MCRIP1: variants seen among roughly 807,000 people sequenced by gnomAD.
MCRIP1 encodes MAPK regulated corepressor interacting protein 1, also known as mapk-regulated corepressor-interacting protein 1.
In MCRIP1, 10 loss-of-function variants were observed where a neutral mutation model predicts 14.4. That is an observed-to-expected ratio of 0.70 (90% CI 0.43 to 1.18). The LOEUF (loss-of-function observed/expected upper bound fraction) is 1.18. Ranked by LOEUF, MCRIP1 falls within the 50% of genes most tolerant of loss-of-function variation. MCRIP1 has a pLI of 0.00. For synonymous variants in MCRIP1, 53 were observed against 55.7 expected, an observed-to-expected ratio of 0.95 and a Z score of 0.21; for missense variants, 119 against 135.4, an observed-to-expected ratio of 0.88 and a Z score of 0.60.
intron 1 of MCRIP1, among the ~76,000 whole-genome samples, chr17:81,830,497 C>G (rs1453159805): frequency 6.6e-6 from 1 of 151,426 alleles, no homozygotes; most frequent in Non-Finnish European, 1.5e-5. Flanking sequence ...AGTAGCCAGG[C>G]GTGGTGGCAG....
Position 81,825,462 on chromosome 17 carries a change from G to C in MCRIP1, c.-48-908C>G, listed in dbSNP as rs558491163. The C allele has an allele frequency of 1.4e-5, 17 of 1,196,498 alleles. No homozygotes were observed. The East Asian group carries it at 6.4e-4, about 45-fold the overall frequency. 74.1% of individuals were successfully genotyped at this position (1,196,498 alleles called of 1,614,324 possible). ...GAGGGGAGTCCCAGGATTCCCAGGAGGGGGCTTTGAGCACAAGCAACTCCC... is the reference window on the plus strand; with the variant it reads ...GAGGGGAGTCCCAGGATTCCCAGGACGGGGCTTTGAGCACAAGCAACTCCC... On this transcript the variant is annotated intron_variant, in intron 1 of 4. Transcript: ENST00000455127.
At chr17:81,826,089 A>T (rs1177469354) in intron 1 of MCRIP1, 4 of 1,475,758 alleles carry the variant, frequency 2.7e-6, no homozygotes, top group Non-Finnish European at 3.6e-6. Flanking sequence ...TCCAGTGGCC[A>T]CTTGGCCTTT....
Position 81,823,855 on chromosome 17 carries a change from C to T in MCRIP1, c.128-342G>A. ...CCTCATCCACGCACCTCCCCGGCCC[C>T]AGCACACGGCACACTCCCCTAATCC... On this transcript the variant is annotated intron_variant, in intron 3 of 4. Transcript: ENST00000455127. This position sits in a 1 kb window ranked among gnomAD's most constrained non-coding sequence, Gnocchi z 6.0. 5.5e-6 allele frequency: 3 copies of T among 549,108 alleles called. No individual in the cohort carries two copies. The highest frequency in any genetic ancestry group is 6.5e-6 in the Non-Finnish European group (2 of 308,942). The allele number at this position is 549,108 out of a possible 1,614,324, so 34.0% of individuals were successfully genotyped here. A position where few individuals can be genotyped will look rare whatever the true frequency, so the allele number is the denominator to read the frequency against.
At chr17:81,826,888 G>T (rs570948198) in intron 1 of MCRIP1, among the ~76,000 whole-genome samples, 77 of 150,906 alleles carry the variant, frequency 5.1e-4, no homozygotes, top group African/African-American at 1.8e-3. Flanking sequence ...GGGAGGCCGA[G>T]GCGGGTGGAT....
In MCRIP1 at chr17:81,823,484, C is replaced by T. The variant is rs753619353; in HGVS notation, c.157G>A (p.Gly53Ser). Residue 53 changes from glycine to serine, a missense_variant, in exon 4 of 5, where the codon GGC (glycine) becomes AGC (serine). Gly to Ser is a moderately conservative substitution (Grantham distance 56). Transcript: ENST00000455127. The surrounding 1 kb of genome is among the most constrained non-coding windows in gnomAD (Gnocchi z 6.0). ...CCCCGCTCGCCACCCGGCACCTGGC[C>T]TCGCAGGTCTCGCTCCACACCCTGC... The part of the protein sequence containing the change: ...AWQGVERDLR[G>S]QVPGGERGLV... 1.0e-4 allele frequency: 155 copies of T among 1,536,394 alleles called. No homozygotes were observed. The highest frequency in any genetic ancestry group is 1.0e-3 in the East Asian group (41 of 40,898).
In MCRIP1 at chr17:81,823,396, G is replaced by T; in HGVS notation, c.229+16C>A. On this transcript the variant is annotated intron_variant, in intron 4 of 4. Coordinates refer to ENST00000455127, the MANE Select transcript of MCRIP1 (RefSeq NM_207368.5). This position sits in a 1 kb window ranked among gnomAD's most constrained non-coding sequence, Gnocchi z 6.0. ...CCTGCCGGCCCAGCCCTGCCCCCAG[G>T]TCAGCCCCCACTCACTCTTCAGGCT... The T allele has an allele frequency of 6.5e-7, 1 of 1,536,314 alleles. No homozygotes were observed. The highest frequency in any genetic ancestry group is 1.2e-5 in the South Asian group (1 of 84,040).
At chr17:81,825,617 C>T (rs1173950689) in intron 1 of MCRIP1, 11 of 1,289,304 alleles carry the variant, frequency 8.5e-6, no homozygotes, top group Non-Finnish European at 9.1e-6. Context: ...GTCCAGCCCT[C>T]AAACACCACG....
chr17:81,824,166 G>A (rs2038333492), intron 3 of MCRIP1, 121 bp downstream of exon 3: 7 of 800,952 alleles, frequency 8.7e-6, no homozygotes, highest in South Asian at 1.5e-5. Context: ...GGGGCTATCT[G>A]TGCCCTGGAG....
At chr17:81,825,541 C>T in intron 1 of MCRIP1, 1 of 1,281,358 alleles carries the variant, frequency 7.8e-7, no homozygotes, top group Non-Finnish European at 1.0e-6. Context: ...CGGCTGCAGC[C>T]CTCACAGAGG....
chr17:81,826,857 C>T (rs866739728), intron 1 of MCRIP1, among the ~76,000 whole-genome samples: 7 of 145,572 alleles, frequency 4.8e-5, no homozygotes, highest in Admixed American at 1.4e-4. Flanking sequence ...TGGTGGCTCA[C>T]GCCTGTAATC....
chr17:81,829,317 G>A (rs1040290069), intron 1 of MCRIP1, among the ~76,000 whole-genome samples: 1 of 152,190 alleles, frequency 6.6e-6, no homozygotes, highest in East Asian at 1.9e-4. Context: ...CAGAGGTCTC[G>A]AGACCCCATC....
At chr17:81,832,794 G>T (rs942521304) in intron 1 of MCRIP1, among the ~76,000 whole-genome samples, 1 of 152,246 alleles carries the variant, frequency 6.6e-6, no homozygotes, top group Non-Finnish European at 1.5e-5. Flanking sequence ...GCCGAAAAAT[G>T]GACAGAAAAA....
rs2065830219 is a variant in MCRIP1 at position 81,824,620 on chromosome 17, G to A, written c.-48-66C>T. 5.9e-6 allele frequency: 9 copies of A among 1,533,474 alleles called. No homozygotes were observed. The Admixed American group carries it at 1.4e-4, about 23-fold the overall frequency. The allele number at this position is 1,533,474 out of a possible 1,614,324, so 95.0% of individuals were successfully genotyped here. ...CCTCTCCAGCACAGAAGGAGGGGGA[G>A]GCGCAGGGCACACCTGCCTCCTCCC... On this transcript the variant is annotated intron_variant, in intron 1 of 4. Transcript: ENST00000455127.
chr17:81,825,725 G>T (rs1002641607), intron 1 of MCRIP1: 3 of 1,289,306 alleles, frequency 2.3e-6, no homozygotes, highest in Non-Finnish European at 3.0e-6. Flanking sequence ...CAGGAGTGAG[G>T]TCCAAAAAGG....
chr17:81,832,030 C>T (rs911487460), intron 1 of MCRIP1, among the ~76,000 whole-genome samples: 36 of 152,278 alleles, frequency 2.4e-4, no homozygotes, highest in African/African-American at 7.9e-4. Flanking sequence ...CCCCACACAG[C>T]CACATGCCTA....
intron 1 of MCRIP1, among the ~76,000 whole-genome samples, chr17:81,831,123 G>C (rs1488227399): frequency 1.4e-5 from 2 of 146,628 alleles, no homozygotes; most frequent in Non-Finnish European, 3.0e-5. Flanking sequence ...AGTGAGCCGA[G>C]ATTGTGCCAC....
intron 1 of MCRIP1, chr17:81,826,668 A>C: frequency 2.4e-6 from 1 of 409,766 alleles, no homozygotes. Context: ...AAAAATACAA[A>C]ATTAGTTGGG....
At chr17:81,831,119 C>T (rs1016236641) in intron 1 of MCRIP1, among the ~76,000 whole-genome samples, 7 of 148,866 alleles carry the variant, frequency 4.7e-5, no homozygotes, top group African/African-American at 1.8e-4. Context: ...TTACAGTGAG[C>T]CGAGATTGTG....
intron 1 of MCRIP1, chr17:81,825,950 A>C (rs1397921894): frequency 1.5e-6 from 2 of 1,305,498 alleles, no homozygotes; most frequent in South Asian, 2.5e-5. Context: ...GAGCTCAGGT[A>C]ACAGGTAGAC....
Sources: allele counts gnomAD v4.1 joint callset (sites outside exome capture counted in the v4.1 genomes callset), GRCh38; gene constraint gnomAD v4.1.1; non-coding constraint Gnocchi (gnomAD v3.1); transcripts MANE v1.5; gene names NCBI Gene and HGNC (gene_info 2026-07-23, HGNC 2026-07-21).